The following ACVR1C variants were observed in gnomAD, a reference collection of about 807,000 sequenced individuals.
ACVR1C encodes the protein activin A receptor type 1C.
Under a neutral mutation model 57.9 loss-of-function variants are expected in ACVR1C, and 23 were observed. The ratio of observed to expected loss-of-function variants is 0.40; its 90% CI spans 0.29 to 0.56. The LOEUF is 0.56. ACVR1C is among the 20% of genes least tolerant of loss of function. The probability of loss-of-function intolerance (pLI) is 0.50; values close to 1 mark genes in which losing one functional copy is unlikely to be tolerated. For missense variants in ACVR1C, 480 were observed against 607.9 expected (o/e 0.79, Z 2.21); for synonymous variants, 214 against 215.3 (o/e 0.99, Z 0.05).
At chr2:157,543,597 CA>C (rs1687670617) in intron 5 of ACVR1C, among the ~76,000 whole-genome samples, 1 of 152,122 alleles carries the variant, frequency 6.6e-6, no homozygotes, top group Non-Finnish European at 1.5e-5. Context: ...GCTACATACA[CA>C]AAAACCTTTG....
chr2:157,564,541 G>T (rs1026588694), intron 2 of ACVR1C, among the ~76,000 whole-genome samples: 3 of 152,202 alleles, frequency 2.0e-5, no homozygotes, highest in East Asian at 3.8e-4. Context: ...GTAGAAGACG[G>T]TGTGGCAATT....
intron 1 of ACVR1C, among the ~76,000 whole-genome samples, chr2:157,605,865 C>T (rs1682380483): frequency 6.6e-6 from 1 of 151,516 alleles, no homozygotes; most frequent in African/African-American, 2.4e-5. Flanking sequence ...GTACAGTGCC[C>T]CTAATCTGCT....
intron 2 of ACVR1C, among the ~76,000 whole-genome samples, 168 bp from the exon 3 acceptor site, chr2:157,556,500 A>T (rs1437786889): frequency 6.6e-6 from 1 of 152,154 alleles, no homozygotes; most frequent in East Asian, 1.9e-4. Context: ...ATGGAGAAAA[A>T]AAATGAGATT....
chr2:157,593,205 G>T (rs1428004612), intron 1 of ACVR1C, among the ~76,000 whole-genome samples: 1 of 152,098 alleles, frequency 6.6e-6, no homozygotes, highest in Non-Finnish European at 1.5e-5. Context: ...ACACCCTGGT[G>T]TCCAGAAATA....
At chr2:157,557,165 A>C (rs1299900886) in intron 2 of ACVR1C, among the ~76,000 whole-genome samples, 5 of 53,532 alleles carry the variant, frequency 9.3e-5, no homozygotes, top group Non-Finnish European at 2.3e-4. Context: ...ATGGTGCTAC[A>C]AAAAAAAAAA....
chr2:157,627,049 A>G (rs1441554736), intron 1 of ACVR1C, among the ~76,000 whole-genome samples: 1 of 152,206 alleles, frequency 6.6e-6, no homozygotes, highest in Non-Finnish European at 1.5e-5. Flanking sequence ...GATTCTGGGT[A>G]TACAACAAAA....
At chr2:157,562,303 A>AT (rs752059219) in intron 2 of ACVR1C, among the ~76,000 whole-genome samples, 35,139 of 128,914 alleles carry the variant, frequency 0.27, 4,681 homozygotes, top group Non-Finnish European at 0.3. Flanking sequence ...CAAAAAAAAA[A>AT]AAATATATAT....
chr2:157,556,408 C>T (rs536023993), intron 2 of ACVR1C, 76 bp from the exon 3 acceptor site: 3 of 1,566,968 alleles, frequency 1.9e-6, no homozygotes, highest in African/African-American at 1.4e-5. Flanking sequence ...ATTGCAATCA[C>T]CAAAATTTCA....
At chr2:157,607,217 T>G (rs878856716) in intron 1 of ACVR1C, among the ~76,000 whole-genome samples, 1 of 151,906 alleles carries the variant, frequency 6.6e-6, no homozygotes, top group Admixed American at 6.6e-5. Flanking sequence ...CACTATAGCC[T>G]TCCAATATGT....
chr2:157,554,259 G>GAA (rs1226331462), intron 3 of ACVR1C, among the ~76,000 whole-genome samples: 2 of 125,348 alleles, frequency 1.6e-5, no homozygotes, highest in African/African-American at 3.5e-5. Flanking sequence ...AAGAAAGAAA[G>GAA]AAAGAAAGAA....
intron 3 of ACVR1C, among the ~76,000 whole-genome samples, chr2:157,552,684 T>TC (rs762624680): frequency 2.0e-5 from 3 of 152,168 alleles, no homozygotes; most frequent in Admixed American, 6.5e-5. Context: ...AAGTACATAA[T>TC]CAGTGGTGCA....
At chr2:157,595,415 A>G (rs1682070792) in intron 1 of ACVR1C, among the ~76,000 whole-genome samples, 1 of 152,222 alleles carries the variant, frequency 6.6e-6, no homozygotes, top group Non-Finnish European at 1.5e-5. Flanking sequence ...CTTTGCAGCC[A>G]TGTAGGGGGA....
intron 3 of ACVR1C, among the ~76,000 whole-genome samples, chr2:157,553,952 G>A (rs1687984784): frequency 6.6e-6 from 1 of 151,838 alleles, no homozygotes; most frequent in Non-Finnish European, 1.5e-5. Context: ...GGTGGCCAAG[G>A]CAGGCAGATC....
intron 2 of ACVR1C, among the ~76,000 whole-genome samples, chr2:157,582,503 A>G (rs746641674): frequency 6.6e-6 from 1 of 152,210 alleles, no homozygotes; most frequent in Non-Finnish European, 1.5e-5. Context: ...ACTTTTTAAA[A>G]ATTTAATATC....
chr2:157,533,818 C>T lies in ACVR1C; in HGVS notation c.*100G>A. ...GCACTTAAATACTGTACTGTCTTAT[C>T]TTTGAGGTAGAACAAAAAAAAAATG... On this transcript the variant is annotated 3_prime_UTR_variant, in exon 9 of 9. Coordinates refer to ENST00000243349, the MANE Select transcript of ACVR1C (RefSeq NM_145259.3). 1 of 1,275,974 alleles carries T rather than the reference C, an allele frequency of 7.8e-7. No individual in the cohort carries two copies. Among genetic ancestry groups the T allele is most frequent in the Non-Finnish European group, 1.0e-6 (1 of 959,614 alleles). The allele number at this position is 1,275,974 out of a possible 1,614,324, so 79.0% of individuals were successfully genotyped here. A position where few individuals can be genotyped will look rare whatever the true frequency, so the allele number is the denominator to read the frequency against.
chr2:157,552,038 G>A (rs185155465), intron 3 of ACVR1C, among the ~76,000 whole-genome samples: 4 of 152,356 alleles, frequency 2.6e-5, no homozygotes, highest in African/African-American at 9.6e-5. Flanking sequence ...CTGCTAGTGA[G>A]AGGCAGACCT....
intron 8 of ACVR1C, among the ~76,000 whole-genome samples, chr2:157,535,589 A>G (rs934725910): frequency 1.3e-5 from 2 of 152,158 alleles, no homozygotes; most frequent in African/African-American, 2.4e-5. Context: ...ACACTTGGAG[A>G]GGCCAAGGCG....
rs142111890 is a variant in ACVR1C, at chr2:157,540,450, C to T, written c.1225+640G>A. 6.1e-3 allele frequency among the ~76,000 whole-genome samples: 933 copies of T among 152,016 alleles called. 7 individuals are homozygous for T. Among genetic ancestry groups the T allele is most frequent in the African/African-American group, 0.021 (887 of 41,452 alleles). The stretch of plus-strand genomic sequence containing the variant: ...ATCTCAGCTCATGAGCCACCATGCC[C>T]GGCATGCCTGGCTAATTTTGTATTT... On this transcript the variant is annotated intron_variant, in intron 7 of 8. Transcript: ENST00000243349.
chr2:157,606,327 T>C (rs1374670670), intron 1 of ACVR1C, among the ~76,000 whole-genome samples: 5 of 151,924 alleles, frequency 3.3e-5, no homozygotes, highest in African/African-American at 4.8e-5. Flanking sequence ...AGTAGTGGGA[T>C]TGCTGGATTG....
Sources: gnomAD v4.1 joint callset for allele counts (sites outside exome capture counted in the v4.1 genomes callset) on GRCh38, gnomAD v4.1.1 for gene constraint, MANE v1.5 for transcripts, NCBI Gene and HGNC (gene_info 2026-07-23, HGNC 2026-07-21) for gene names.